The following ARHGAP44 variants were observed in gnomAD, a reference collection of about 807,000 sequenced individuals.
ARHGAP44 encodes Rho GTPase activating protein 44.
In ARHGAP44, 43 loss-of-function variants were observed where a neutral mutation model predicts 106.8. That is an observed-to-expected ratio of 0.40 (90% CI 0.32 to 0.52). The LOEUF (loss-of-function observed/expected upper bound fraction) is 0.52, where lower values mean the gene tolerates loss of function less well. ARHGAP44 is among the 20% of genes least tolerant of loss of function. ARHGAP44 has a pLI of 0.48. For synonymous variants in ARHGAP44, 439 were observed against 410.3 expected, an observed-to-expected ratio of 1.07 and a Z score of -0.85; for missense variants, 866 against 1,050.5, an observed-to-expected ratio of 0.82 and a Z score of 2.43.
intron 1 of ARHGAP44, among the ~76,000 whole-genome samples, chr17:12,833,663 T>A (rs547509570): frequency 4.6e-5 from 7 of 152,114 alleles, no homozygotes; most frequent in Non-Finnish European, 1.0e-4. Flanking sequence ...TGAGAATGTG[T>A]CCCTAAGGTG....
chr17:12,915,824 G>A, intron 4 of ARHGAP44, 76 bp from the exon 5 acceptor site: 1 of 1,255,736 alleles, frequency 8.0e-7, no homozygotes, highest in East Asian at 2.5e-5. Context: ...AGTGAGCCAG[G>A]AGGTGAGGGG....
At chr17:12,905,478 C>G (rs2037520298) in intron 3 of ARHGAP44, among the ~76,000 whole-genome samples, 2 of 152,170 alleles carry the variant, frequency 1.3e-5, no homozygotes, top group South Asian at 4.1e-4. Context: ...GCTGTCCCCT[C>G]TCCATCCTCC....
chr17:12,928,415 T>C (rs1267715474), intron 6 of ARHGAP44, among the ~76,000 whole-genome samples: 2 of 152,178 alleles, frequency 1.3e-5, no homozygotes, highest in African/African-American at 2.4e-5. Context: ...AGTATATTAC[T>C]ATAATCACCC....
intron 3 of ARHGAP44, among the ~76,000 whole-genome samples, chr17:12,903,594 A>AT (rs916298857): frequency 6.6e-6 from 1 of 152,096 alleles, no homozygotes; most frequent in East Asian, 1.9e-4. Context: ...CTTTTAAAAA[A>AT]TTTTTAATTA....
chr17:12,946,190 A>G (rs1371376903), intron 10 of ARHGAP44, among the ~76,000 whole-genome samples: 1 of 152,142 alleles, frequency 6.6e-6, no homozygotes, highest in African/African-American at 2.4e-5. Flanking sequence ...AGATAACATA[A>G]TGAGCCTTAC....
At chr17:12,821,741 G>A (rs541173136) in intron 1 of ARHGAP44, among the ~76,000 whole-genome samples, 52 of 152,176 alleles carry the variant, frequency 3.4e-4, no homozygotes, top group African/African-American at 1.2e-3. Context: ...CTTTCCTTTT[G>A]GATGTTTTCC....
At chr17:12,928,599 A>T (rs887687355) in intron 6 of ARHGAP44, among the ~76,000 whole-genome samples, 9 of 152,214 alleles carry the variant, frequency 5.9e-5, no homozygotes, top group African/African-American at 2.2e-4. Context: ...TCCATTAAAA[A>T]TAACATTAAT....
At chr17:12,986,694 A>G (rs1267391761) in intron 20 of ARHGAP44, 4 of 149,878 alleles carry the variant, frequency 2.7e-5, no homozygotes, top group East Asian at 1.9e-4. Context: ...AAAAAAAAAA[A>G]AAAAAAAAGA....
At chr17:12,904,296 T>C (rs2150933267) in intron 3 of ARHGAP44, among the ~76,000 whole-genome samples, 1 of 152,218 alleles carries the variant, frequency 6.6e-6, no homozygotes, top group South Asian at 2.1e-4. Context: ...TTAGTAGAGA[T>C]GGGGCTTCAC....
chr17:12,896,571 C>A, intron 3 of ARHGAP44, 60 bp downstream of exon 3: 1 of 1,414,216 alleles, frequency 7.1e-7, no homozygotes, highest in Non-Finnish European at 9.7e-7. Flanking sequence ...AAGGTTCCTA[C>A]TCCTGTGACA....
At chr17:12,855,809 C>G (rs1429380883) in intron 1 of ARHGAP44, among the ~76,000 whole-genome samples, 1 of 152,130 alleles carries the variant, frequency 6.6e-6, no homozygotes, top group African/African-American at 2.4e-5. Context: ...AGCTCTGGCA[C>G]TAAATGGAAG....
chr17:12,803,108 G>A (rs1311019694), intron 1 of ARHGAP44, among the ~76,000 whole-genome samples: 1 of 149,878 alleles, frequency 6.7e-6, no homozygotes, highest in Non-Finnish European at 1.5e-5. Context: ...GAGTAGCTGG[G>A]ATTACAGGCG....
intron 1 of ARHGAP44, among the ~76,000 whole-genome samples, chr17:12,854,734 G>A (rs141692323): frequency 3.3e-5 from 5 of 152,168 alleles, no homozygotes; most frequent in African/African-American, 9.6e-5. Context: ...TGAGGCGGGC[G>A]GATCACCTTA....
chr17:12,798,343 A>G (rs2033987480), intron 1 of ARHGAP44, among the ~76,000 whole-genome samples: 1 of 152,226 alleles, frequency 6.6e-6, no homozygotes, highest in Non-Finnish European at 1.5e-5. Flanking sequence ...ATATTGCATA[A>G]TTTTATTTTA....
chr17:12,849,136 C>A (rs1195150834), intron 1 of ARHGAP44, among the ~76,000 whole-genome samples: 1 of 151,642 alleles, frequency 6.6e-6, no homozygotes, highest in African/African-American at 2.4e-5. Context: ...AGAGACCATT[C>A]AAAATGTATC....
rs118090425 is a variant in ARHGAP44, at chr17:12,959,579, G to C, written c.1523+682G>C. On this transcript the variant is annotated intron_variant, in intron 16 of 20. Coordinates refer to ENST00000379672, the MANE Select transcript of ARHGAP44 (RefSeq NM_014859.6). The stretch of plus-strand genomic sequence containing the variant: ...AGTAAGATGGGCATAAACAGGTTTC[G>C]TAACAAGCACAGCTGACTCACGGTG... Among the ~76,000 whole-genome samples the C allele has an allele frequency of 2.7e-4, 41 of 152,220 alleles. No individual in the cohort carries two copies. In the East Asian group the frequency reaches 5.2e-3, roughly 19 times the overall value.
chr17:12,903,833 G>A (rs1214600867), intron 3 of ARHGAP44, among the ~76,000 whole-genome samples: 2 of 152,126 alleles, frequency 1.3e-5, no homozygotes, highest in African/African-American at 2.4e-5. Context: ...TACTTGAAAT[G>A]GGGGCGACCA....
intron 1 of ARHGAP44, among the ~76,000 whole-genome samples, chr17:12,848,065 A>G (rs2035623014): frequency 1.3e-5 from 2 of 152,156 alleles, no homozygotes; most frequent in African/African-American, 4.8e-5. Context: ...TTTCTGTTCT[A>G]TAGATATAGA....
At chr17:12,932,818 G>T (rs2038439902) in intron 7 of ARHGAP44, among the ~76,000 whole-genome samples, 1 of 150,998 alleles carries the variant, frequency 6.6e-6, no homozygotes, top group African/African-American at 2.4e-5. Flanking sequence ...ATTTATTTCT[G>T]GACTCTATGT....
Sources: allele counts gnomAD v4.1 joint callset (sites outside exome capture counted in the v4.1 genomes callset), GRCh38; gene constraint gnomAD v4.1.1; transcripts MANE v1.5; gene names NCBI Gene and HGNC (gene_info 2026-07-23, HGNC 2026-07-21).